The following LUZP2 variants were observed in gnomAD, a reference collection of about 807,000 sequenced individuals.
LUZP2 encodes the protein leucine zipper protein 2.
A neutral mutation model predicts 51.6 loss-of-function variants in LUZP2; 52 were observed. The ratio of observed to expected loss-of-function variants is 1.01; its 90% CI spans 0.81 to 1.27. The LOEUF (loss-of-function observed/expected upper bound fraction) is 1.27, where lower values mean the gene tolerates loss of function less well. Among genes scored for constraint, LUZP2 ranks in the 50% most tolerant of loss-of-function variants. The pLI is 0.00. For missense variants in LUZP2, 436 were observed against 395.4 expected (o/e 1.10, Z -0.87); for synonymous variants, 154 against 137.3 (o/e 1.12, Z -0.85).
At chr11:24,960,874 G>A (rs954578281) in intron 7 of LUZP2, among the ~76,000 whole-genome samples, 2 of 152,000 alleles carry the variant, frequency 1.3e-5, no homozygotes. Flanking sequence ...GCTTTCTCTT[G>A]TGGGCATTTA....
chr11:24,972,161 A>AAC (rs1159010080), intron 7 of LUZP2, among the ~76,000 whole-genome samples: 1 of 151,312 alleles, frequency 6.6e-6, no homozygotes, highest in Non-Finnish European at 1.5e-5. Flanking sequence ...AAAAAAAAAA[A>AAC]ACACTTGGGC....
At chr11:24,874,264 C>T (rs1852176749) in intron 5 of LUZP2, among the ~76,000 whole-genome samples, 1 of 152,052 alleles carries the variant, frequency 6.6e-6, no homozygotes, top group African/African-American at 2.4e-5. Context: ...ATTCGAGGGC[C>T]CCTGTCAGGT....
At position 24,731,673 on chromosome 11, in the gene LUZP2, A is replaced by G. The variant is rs1257702307; in HGVS notation, c.181-445A>G. ...CATAAATAAGAAATCAACAAAACCT[A>G]ACAGGTGCATGCCCTTTGACTATTT... On this transcript the variant is annotated intron_variant, in intron 2 of 11. Coordinates refer to ENST00000336930, the MANE Select transcript of LUZP2 (RefSeq NM_001009909.4). Among the ~76,000 whole-genome samples the G allele has an allele frequency of 2.0e-5, 3 of 151,738 alleles. No individual in the cohort carries two copies. In the South Asian group the frequency reaches 6.2e-4, roughly 31 times the overall value.
At chr11:24,616,155 A>G (rs1297358808) in intron 1 of LUZP2, among the ~76,000 whole-genome samples, 1 of 151,946 alleles carries the variant, frequency 6.6e-6, no homozygotes, top group Non-Finnish European at 1.5e-5. Flanking sequence ...TTTTCACCCC[A>G]CTTCACTCCT....
At chr11:24,952,559 A>T (rs1171118656) in intron 7 of LUZP2, among the ~76,000 whole-genome samples, 4 of 151,778 alleles carry the variant, frequency 2.6e-5, no homozygotes, top group African/African-American at 9.7e-5. Flanking sequence ...TCTTTAAATG[A>T]GCAACAGGAG....
intron 3 of LUZP2, among the ~76,000 whole-genome samples, chr11:24,732,989 A>G (rs555891545): frequency 7.8e-4 from 119 of 151,740 alleles, no homozygotes; most frequent in African/African-American, 2.7e-3. Flanking sequence ...GCTCCACCTT[A>G]CCAGTTTGGC....
chr11:24,943,371 C>A (rs1005882682), intron 7 of LUZP2, among the ~76,000 whole-genome samples: 1 of 151,998 alleles, frequency 6.6e-6, no homozygotes. Flanking sequence ...CTCTCCCTTT[C>A]ATTTTCTTCA....
chr11:24,728,403 G>A (rs1858574900), intron 1 of LUZP2, among the ~76,000 whole-genome samples: 1 of 151,982 alleles, frequency 6.6e-6, no homozygotes, highest in East Asian at 1.9e-4. Flanking sequence ...AAGTTTGCCT[G>A]CCTCCCCTGC....
intron 5 of LUZP2, among the ~76,000 whole-genome samples, chr11:24,828,387 A>C (rs930820359): frequency 6.6e-6 from 1 of 152,132 alleles, no homozygotes; most frequent in African/African-American, 2.4e-5. Flanking sequence ...TGCATTTGTA[A>C]AAATTCACTA....
In LUZP2 at chr11:24,962,094, G is replaced by T. The variant is rs920263580; in HGVS notation, c.523-14497G>T. 1.9e-3 allele frequency among the ~76,000 whole-genome samples: 293 copies of T among 150,954 alleles called. 2 individuals are homozygous for T. Among genetic ancestry groups the T allele is most frequent in the African/African-American group, 6.8e-3 (279 of 41,002 alleles). On this transcript the variant is annotated intron_variant, in intron 7 of 11. Coordinates refer to ENST00000336930, the MANE Select transcript of LUZP2 (RefSeq NM_001009909.4). ...ATTGGCCCCCACTCTCTTCTGGCTT[G>T]TAGAGTTTCTGCTGAGAGATCTCCT...
intron 7 of LUZP2, among the ~76,000 whole-genome samples, chr11:24,929,521 A>G (rs1854382073): frequency 1.3e-5 from 2 of 152,026 alleles, no homozygotes; most frequent in African/African-American, 4.8e-5. Flanking sequence ...TTGCAATTGT[A>G]TGGTGTTGAG....
rs140602846 is a variant in LUZP2, at chr11:24,871,427, A to G, written c.397-34564A>G. ...ACCAACTTGCTACCATCAGCCAGTTATCATATTTACCTGATTCCAGAAATC... is the reference window on the plus strand; with the variant it reads ...ACCAACTTGCTACCATCAGCCAGTTGTCATATTTACCTGATTCCAGAAATC... On this transcript the variant is annotated intron_variant, in intron 5 of 11. Coordinates refer to ENST00000336930, the MANE Select transcript of LUZP2 (RefSeq NM_001009909.4). Among the ~76,000 whole-genome samples the G allele has an allele frequency of 3.9e-3, 595 of 152,158 alleles. 1 individual carries two copies. Among genetic ancestry groups the G allele is most frequent in the African/African-American group, 0.014 (575 of 41,528 alleles).
At chr11:25,075,320 A>G (rs186851552) in intron 10 of LUZP2, among the ~76,000 whole-genome samples, 263 of 152,316 alleles carry the variant, frequency 1.7e-3, no homozygotes, top group African/African-American at 6.0e-3. Context: ...CTTTTTCTGT[A>G]TACTGTAGGC....
chr11:24,991,567 T>A lies in LUZP2; in HGVS notation c.765+8274T>A, dbSNP rs117204910. ...TATCTTTTTCATTTAATGACTTTTTTCCTCTGTATAGGTAGCCAGTAATGG... is the reference window on the plus strand; with the variant it reads ...TATCTTTTTCATTTAATGACTTTTTACCTCTGTATAGGTAGCCAGTAATGG... On this transcript the variant is annotated intron_variant, in intron 9 of 11. Transcript: ENST00000336930. Among the ~76,000 whole-genome samples the A allele has an allele frequency of 6.7e-3, 1,023 of 151,932 alleles. 32 individuals are homozygous for A. In the East Asian group the frequency reaches 0.098, roughly 15 times the overall value.
intron 1 of LUZP2, among the ~76,000 whole-genome samples, chr11:24,556,314 T>C (rs900439921): frequency 3.9e-5 from 6 of 152,180 alleles, no homozygotes; most frequent in Non-Finnish European, 8.8e-5. Context: ...AATACTCTTC[T>C]ATTTAACAAC....
intron 1 of LUZP2, among the ~76,000 whole-genome samples, chr11:24,610,193 C>G (rs187357156): frequency 6.6e-6 from 1 of 152,268 alleles, no homozygotes; most frequent in East Asian, 1.9e-4. Context: ...AATAGTCCAG[C>G]AAAGTTGCTA....
chr11:25,030,925 T>TATAATAC (rs1689424353), intron 9 of LUZP2, among the ~76,000 whole-genome samples: 1 of 6,232 alleles, frequency 1.6e-4, no homozygotes, highest in African/African-American at 1.1e-3. Context: ...GTATTATATA[T>TATAATAC]ATATAATATA....
At chr11:24,697,354 T>G (rs575666880) in intron 1 of LUZP2, among the ~76,000 whole-genome samples, 2 of 152,224 alleles carry the variant, frequency 1.3e-5, no homozygotes, top group South Asian at 4.1e-4. Flanking sequence ...TGTAGAAAAA[T>G]GGAATGACAA....
At chr11:25,046,773 A>C (rs578115338) in intron 9 of LUZP2, among the ~76,000 whole-genome samples, 1 of 152,156 alleles carries the variant, frequency 6.6e-6, no homozygotes, top group Non-Finnish European at 1.5e-5. Flanking sequence ...TATAATATAC[A>C]TTTTTTAAAA....
Sources: gnomAD v4.1 joint callset for allele counts (sites outside exome capture counted in the v4.1 genomes callset) on GRCh38, gnomAD v4.1.1 for gene constraint, MANE v1.5 for transcripts, NCBI Gene and HGNC (gene_info 2026-07-23, HGNC 2026-07-21) for gene names.